Variants in CAMKMT observed in about 807,000 individuals in gnomAD.
CAMKMT encodes calmodulin-lysine N-methyltransferase.
Under a neutral mutation model 48.0 loss-of-function variants are expected in CAMKMT, and 53 were observed. The ratio of observed to expected loss-of-function variants is 1.10; its 90% CI spans 0.89 to 1.39. The LOEUF is 1.39. Ranked by LOEUF, CAMKMT falls within the 40% of genes most tolerant of loss-of-function variation. The pLI is 0.00. For missense variants in CAMKMT, 428 were observed against 402.7 expected, an observed-to-expected ratio of 1.06 and a Z score of -0.54; for synonymous variants, 165 against 152.3, an observed-to-expected ratio of 1.08 and a Z score of -0.61.
intron 3 of CAMKMT, among the ~76,000 whole-genome samples, chr2:44,604,789 G>A (rs1478669086): frequency 1.3e-5 from 2 of 151,992 alleles, no homozygotes; most frequent in Non-Finnish European, 2.9e-5. Flanking sequence ...TTTCCTGAAT[G>A]TAATTGTCAG....
At chr2:44,715,487 A>AAG (rs1678128611) in intron 7 of CAMKMT, 134 bp downstream of exon 7, 4 of 645,532 alleles carry the variant, frequency 6.2e-6, no homozygotes, top group Non-Finnish European at 5.5e-6. Context: ...TAAGCACTTT[A>AAG]CAAGTATTAT....
intron 3 of CAMKMT, among the ~76,000 whole-genome samples, chr2:44,410,301 C>T (rs1282255310): frequency 5.7e-4 from 18 of 31,490 alleles, no homozygotes; most frequent in South Asian, 1.5e-3. Flanking sequence ...CTGTCGCCCA[C>T]GCTGGAGTGC....
At chr2:44,572,296 C>T (rs557741907) in intron 3 of CAMKMT, among the ~76,000 whole-genome samples, 2 of 152,196 alleles carry the variant, frequency 1.3e-5, no homozygotes, top group Non-Finnish European at 2.9e-5. Flanking sequence ...ATCTTCCCAT[C>T]ATGGCCTCCC....
intron 8 of CAMKMT, among the ~76,000 whole-genome samples, chr2:44,753,050 C>T (rs1333924341): frequency 6.6e-6 from 1 of 152,002 alleles, no homozygotes; most frequent in African/African-American, 2.4e-5. Context: ...AAAGGGGTGA[C>T]AGAGCTGCAT....
At chr2:44,501,763 G>T (rs1670017796) in intron 3 of CAMKMT, among the ~76,000 whole-genome samples, 1 of 152,136 alleles carries the variant, frequency 6.6e-6, no homozygotes, top group Non-Finnish European at 1.5e-5. Context: ...CGTGCTTGTA[G>T]TCCCAGCAGG....
intron 3 of CAMKMT, chr2:44,456,827 G>T: frequency 2.2e-6 from 1 of 460,130 alleles, no homozygotes; most frequent in Non-Finnish European, 3.8e-6. Context: ...TCCTTCTCCA[G>T]CCCAATTATG....
chr2:44,486,573 T>A (rs1364574940), intron 3 of CAMKMT, among the ~76,000 whole-genome samples: 2 of 152,234 alleles, frequency 1.3e-5, no homozygotes, highest in Non-Finnish European at 2.9e-5. Context: ...AATGCCTCAA[T>A]GTTGCAAGGT....
At chr2:44,470,076 T>C (rs897222557) in intron 3 of CAMKMT, among the ~76,000 whole-genome samples, 1 of 152,158 alleles carries the variant, frequency 6.6e-6, no homozygotes, top group East Asian at 1.9e-4. Flanking sequence ...TTTTTTTCTC[T>C]CTAATAAGAA....
At chr2:44,527,415 T>A (rs1447152703) in intron 3 of CAMKMT, among the ~76,000 whole-genome samples, 7 of 111,050 alleles carry the variant, frequency 6.3e-5, no homozygotes, top group Admixed American at 6.3e-4. Context: ...GTATATATAT[T>A]ATATATATAT....
intron 3 of CAMKMT, among the ~76,000 whole-genome samples, chr2:44,468,744 C>G (rs1668259810): frequency 6.6e-6 from 1 of 152,066 alleles, no homozygotes; most frequent in African/African-American, 2.4e-5. Context: ...CAAAGCAAGA[C>G]CCAGTCTCTA....
intron 3 of CAMKMT, among the ~76,000 whole-genome samples, chr2:44,429,431 C>A (rs2104531979): frequency 6.6e-6 from 1 of 152,198 alleles, no homozygotes; most frequent in Non-Finnish European, 1.5e-5. Flanking sequence ...ACCTGTATCT[C>A]TTTGCTTCTT....
At chr2:44,646,391 T>C (rs1235086253) in intron 3 of CAMKMT, among the ~76,000 whole-genome samples, 1 of 152,132 alleles carries the variant, frequency 6.6e-6, no homozygotes, top group Non-Finnish European at 1.5e-5. Context: ...GAGGGCTAGT[T>C]TACCTGTCTC....
At position 44,399,331 on chromosome 2, in the gene CAMKMT, A is replaced by T. The variant is rs114824822; in HGVS notation, c.376+9026A>T. Reference sequence around the variant, plus strand: ...TTTTTATTTTAATACTTGGTGACTTAATCAGAATTTAGTGGGGATTGACTG... The same window carrying T: ...TTTTTATTTTAATACTTGGTGACTTTATCAGAATTTAGTGGGGATTGACTG... On this transcript the variant is annotated intron_variant, in intron 3 of 10. Transcript: ENST00000378494. Among the ~76,000 whole-genome samples the T allele has an allele frequency of 2.8e-3, 433 of 152,302 alleles. 3 individuals are homozygous for T. Among genetic ancestry groups the T allele is most frequent in the African/African-American group, 9.7e-3 (404 of 41,566 alleles).
chr2:44,405,191 A>G (rs1342785513), intron 3 of CAMKMT, among the ~76,000 whole-genome samples: 1 of 152,086 alleles, frequency 6.6e-6, no homozygotes, highest in East Asian at 1.9e-4. Flanking sequence ...CAATAATCCC[A>G]CTTTTGGGTG....
rs377365962 is a variant in CAMKMT, at chr2:44,390,395, T to C, written c.376+90T>C. ...GTTTTCTTCTCACTAATATTTATTA[T>C]ACTCACTAAATGTATGCATATATGT... is the stretch of plus-strand genomic sequence containing the variant. On this transcript the variant is annotated intron_variant, in intron 3 of 10. Coordinates refer to ENST00000378494, the MANE Select transcript of CAMKMT (RefSeq NM_024766.5). The C allele has an allele frequency of 1.3e-4, 124 of 927,986 alleles. No homozygotes were observed. In the East Asian group the frequency reaches 1.7e-3, roughly 13 times the overall value. The allele number at this position is 927,986 out of a possible 1,614,324, so 57.5% of individuals were successfully genotyped here.
intron 3 of CAMKMT, among the ~76,000 whole-genome samples, chr2:44,617,052 C>T (rs963041627): frequency 6.6e-6 from 1 of 152,046 alleles, no homozygotes; most frequent in Non-Finnish European, 1.5e-5. Flanking sequence ...GTGATAGTGC[C>T]GTGAATGTCA....
intron 3 of CAMKMT, among the ~76,000 whole-genome samples, chr2:44,547,083 G>A (rs1181381222): frequency 1.3e-5 from 2 of 152,128 alleles, no homozygotes; most frequent in East Asian, 3.9e-4. Context: ...GGAAGAACTT[G>A]ATTGAGCAGA....
At chr2:44,632,680 G>C (rs1672903488) in intron 3 of CAMKMT, among the ~76,000 whole-genome samples, 1 of 152,204 alleles carries the variant, frequency 6.6e-6, no homozygotes. Context: ...TGCCAAAGGA[G>C]ATTACCATTT....
At chr2:44,715,426 A>C (rs1466700855) in intron 7 of CAMKMT, 73 bp downstream of exon 7, 7 of 1,095,998 alleles carry the variant, frequency 6.4e-6, no homozygotes, top group Non-Finnish European at 9.7e-6. Context: ...GTTATTAAAA[A>C]TAATAATAGC....
Sources: allele counts gnomAD v4.1 joint callset (sites outside exome capture counted in the v4.1 genomes callset), GRCh38; gene constraint gnomAD v4.1.1; transcripts MANE v1.5; gene names NCBI Gene and HGNC (gene_info 2026-07-23, HGNC 2026-07-21).